The following NTRK2 variants were observed in gnomAD, a reference collection of about 807,000 sequenced individuals.
NTRK2 encodes neurotrophic receptor tyrosine kinase 2, also known as BDNF/NT-3 growth factors receptor.
In NTRK2, 13 loss-of-function variants were observed where a neutral mutation model predicts 94.5. The ratio of observed to expected loss-of-function variants is 0.14; its 90% CI spans 0.09 to 0.22. NTRK2 has a LOEUF of 0.22. Ranked by LOEUF, NTRK2 falls within the 10% of genes least tolerant of loss-of-function variation. NTRK2 has a pLI of 1.00. For missense variants in NTRK2, 639 were observed against 1,071.2 expected (o/e 0.60, Z 5.63); for synonymous variants, 372 against 407.4 (o/e 0.91, Z 1.05).
chr9:84,854,269 T>G (rs1028550577), intron 12 of NTRK2, among the ~76,000 whole-genome samples: 2 of 152,118 alleles, frequency 1.3e-5, no homozygotes, highest in Non-Finnish European at 2.9e-5. Flanking sequence ...GCATTTGAAC[T>G]CCAGTTGTCC....
intron 6 of NTRK2, among the ~76,000 whole-genome samples, chr9:84,723,236 C>T (rs2062198219): frequency 6.6e-6 from 1 of 152,182 alleles, no homozygotes; most frequent in Non-Finnish European, 1.5e-5. Flanking sequence ...TGTACAATCT[C>T]TGTTTATGTG....
At chr9:84,773,756 A>G (rs918944268) in intron 12 of NTRK2, among the ~76,000 whole-genome samples, 1 of 152,150 alleles carries the variant, frequency 6.6e-6, no homozygotes, top group Non-Finnish European at 1.5e-5. Context: ...ATTTGAGAAT[A>G]AAAGCATCTT....
At chr9:84,765,758 G>A (rs77362122) in intron 12 of NTRK2, among the ~76,000 whole-genome samples, 4,815 of 152,192 alleles carry the variant, frequency 0.032, 106 homozygotes, top group Non-Finnish European at 0.048. Context: ...GGTAACAAGA[G>A]AGTTTTAGGA....
At chr9:84,982,750 G>A (rs1375991209) in intron 17 of NTRK2, among the ~76,000 whole-genome samples, 4 of 152,220 alleles carry the variant, frequency 2.6e-5, no homozygotes, top group African/African-American at 4.8e-5. Context: ...ACTGTTTGAC[G>A]TTCACCTGAC....
intron 12 of NTRK2, among the ~76,000 whole-genome samples, chr9:84,771,561 C>T (rs949944862): frequency 4.6e-5 from 7 of 152,212 alleles, no homozygotes; most frequent in Admixed American, 4.6e-4. Flanking sequence ...AAAAGCCATA[C>T]TAGAGACCTT....
chr9:84,909,414 A>G (rs1333150834), intron 14 of NTRK2, among the ~76,000 whole-genome samples: 1 of 152,022 alleles, frequency 6.6e-6, no homozygotes, highest in Non-Finnish European at 1.5e-5. Flanking sequence ...ATAAGTTTTC[A>G]ATCCTCTGGG....
At chr9:84,883,385 C>G (rs948697174) in intron 14 of NTRK2, among the ~76,000 whole-genome samples, 4 of 152,162 alleles carry the variant, frequency 2.6e-5, no homozygotes, top group Non-Finnish European at 5.9e-5. Context: ...GGTTGCAGTA[C>G]AATTCTTTTA....
At chr9:84,725,213 G>A (rs1321428379) in intron 8 of NTRK2, among the ~76,000 whole-genome samples, 1 of 152,112 alleles carries the variant, frequency 6.6e-6, no homozygotes. Flanking sequence ...GCCATAGCTG[G>A]TATCAATATG....
intron 17 of NTRK2, among the ~76,000 whole-genome samples, chr9:84,988,392 T>C (rs1452197486): frequency 6.6e-6 from 1 of 152,110 alleles, no homozygotes; most frequent in Non-Finnish European, 1.5e-5. Context: ...TCAGAGAGTG[T>C]GAATCAGGAT....
chr9:84,978,236 T>C (rs1827144693), intron 17 of NTRK2, among the ~76,000 whole-genome samples: 2 of 152,216 alleles, frequency 1.3e-5, no homozygotes, highest in Non-Finnish European at 2.9e-5. Context: ...GCGAGGCCTC[T>C]TGTGACAGGT....
chr9:84,683,754 G>T (rs999528400), intron 2 of NTRK2, among the ~76,000 whole-genome samples: 1 of 152,144 alleles, frequency 6.6e-6, no homozygotes, highest in Non-Finnish European at 1.5e-5. Flanking sequence ...AGATCCTTGA[G>T]GAATCACCAT....
intron 12 of NTRK2, among the ~76,000 whole-genome samples, chr9:84,754,557 A>G (rs1201331392): frequency 6.6e-6 from 1 of 152,234 alleles, no homozygotes; most frequent in Non-Finnish European, 1.5e-5. Flanking sequence ...TACCACTGAA[A>G]AACATATGCT....
chr9:84,893,238 A>T (rs940937788), intron 14 of NTRK2, among the ~76,000 whole-genome samples: 1 of 152,172 alleles, frequency 6.6e-6, no homozygotes, highest in Non-Finnish European at 1.5e-5. Flanking sequence ...TAAACCATAG[A>T]TTCATTTTGC....
At chr9:85,017,152 C>G (rs1194888876) in intron 17 of NTRK2, among the ~76,000 whole-genome samples, 2 of 152,086 alleles carry the variant, frequency 1.3e-5, no homozygotes, top group African/African-American at 4.8e-5. Flanking sequence ...TATGATGATT[C>G]TTCTTAATGT....
chr9:84,865,548 T>C (rs2075552019), intron 13 of NTRK2, among the ~76,000 whole-genome samples: 1 of 152,208 alleles, frequency 6.6e-6, no homozygotes, highest in South Asian at 2.1e-4. Flanking sequence ...ACTTTTGTTT[T>C]CAGAATTGCT....
chr9:84,792,029 A>C (rs2068789303), intron 12 of NTRK2, among the ~76,000 whole-genome samples: 1 of 152,206 alleles, frequency 6.6e-6, no homozygotes, highest in Non-Finnish European at 1.5e-5. Flanking sequence ...CCCAGTTTTC[A>C]TCATGGAATG....
intron 2 of NTRK2, among the ~76,000 whole-genome samples, chr9:84,696,263 C>T (rs2060369887): frequency 6.6e-6 from 1 of 152,184 alleles, no homozygotes. Flanking sequence ...CTTGGCCTCC[C>T]AAAGTACTAG....
chr9:84,893,971 C>A (rs376442051), intron 14 of NTRK2, among the ~76,000 whole-genome samples: 2 of 152,092 alleles, frequency 1.3e-5, no homozygotes, highest in East Asian at 1.9e-4. Context: ...ATGTGCCCCA[C>A]GAGGCCTGTC....
intron 12 of NTRK2, 50 bp from the exon 13 acceptor site, chr9:84,860,990 G>A (rs202061955): frequency 2.9e-5 from 44 of 1,541,946 alleles, no homozygotes; most frequent in Non-Finnish European, 3.8e-5. Context: ...ACCACCTCCG[G>A]TTTCTACTTC....
Sources: allele counts gnomAD v4.1 joint callset (sites outside exome capture counted in the v4.1 genomes callset), GRCh38; gene constraint gnomAD v4.1.1; transcripts MANE v1.5; gene names NCBI Gene and HGNC (gene_info 2026-07-23, HGNC 2026-07-21).